CHLSN: variants seen among roughly 807,000 people sequenced by gnomAD.
The protein encoded by CHLSN is cholesin.
the CHLSN span, chr7:1,056,099 AGCAGGT>A: frequency 3.2e-5 from 5 of 154,012 alleles, no homozygotes; most frequent in Non-Finnish European, 7.2e-5. Context: ...CTGTGCTTGG[AGCAGGT>A]GCATCCTGTC....
chr7:1,136,832 G>C, the CHLSN span, among the ~76,000 whole-genome samples: 1 of 152,010 alleles, frequency 6.6e-6, no homozygotes, highest in East Asian at 1.9e-4. Context: ...GGTTCACATA[G>C]TAGCTCAAGC....
At chr7:1,096,529 C>A in the CHLSN span, among the ~76,000 whole-genome samples, 9 of 152,236 alleles carry the variant, frequency 5.9e-5, no homozygotes, top group Non-Finnish European at 1.2e-4. This position sits in a 1 kb window ranked among gnomAD's most constrained non-coding sequence, Gnocchi z 4.6. Flanking sequence ...CCTTCTCAAG[C>A]GCTTGCCTGG....
chr7:1,011,030 G>A, the CHLSN span, among the ~76,000 whole-genome samples: 1 of 151,376 alleles, frequency 6.6e-6, no homozygotes, highest in Non-Finnish European at 1.5e-5. Context: ...GAAGAGTGAG[G>A]CAAGCCCCCC....
the CHLSN span, among the ~76,000 whole-genome samples, chr7:1,038,529 T>C: frequency 1.3e-5 from 1 of 79,842 alleles, no homozygotes. Flanking sequence ...GGGAGGGAGG[T>C]GGGGGGGTCA....
the CHLSN span, among the ~76,000 whole-genome samples, chr7:1,034,858 T>C: frequency 1.3e-5 from 2 of 151,264 alleles, no homozygotes; most frequent in African/African-American, 2.4e-5. Flanking sequence ...TCATGAGTTC[T>C]CATCATTCAG....
the CHLSN span, among the ~76,000 whole-genome samples, chr7:1,016,728 GCAGCA>G: frequency 7.6e-5 from 8 of 104,974 alleles, no homozygotes; most frequent in African/African-American, 3.0e-4. Flanking sequence ...GCAGCACACA[GCAGCA>G]CACGCCAGCG....
the CHLSN span, among the ~76,000 whole-genome samples, chr7:1,049,982 C>T: frequency 1.3e-5 from 2 of 152,186 alleles, no homozygotes; most frequent in African/African-American, 2.4e-5. Flanking sequence ...AGCTGCCCCA[C>T]ACTGTCGGCC....
At chr7:1,100,792 C>G in the CHLSN span, among the ~76,000 whole-genome samples, 1 of 152,124 alleles carries the variant, frequency 6.6e-6, no homozygotes, top group African/African-American at 2.4e-5. Context: ...CAAAACAAAA[C>G]CCTTTCTGAG....
the CHLSN span, chr7:1,087,081 A>AG: frequency 6.6e-6 from 1 of 152,234 alleles, no homozygotes; most frequent in Non-Finnish European, 1.5e-5. Context: ...AATGGCCAGT[A>AG]GGGGGCGCAC....
chr7:1,138,063 C>A, the CHLSN span: 2 of 149,910 alleles, frequency 1.3e-5, no homozygotes, highest in Non-Finnish European at 3.0e-5. Flanking sequence ...GCCGCCCGGT[C>A]GCGCCGCGCC....
At chr7:1,041,330 G>GGGCTCTGCACTGCAGGGAACGGGA in the CHLSN span, among the ~76,000 whole-genome samples, 50 of 65,894 alleles carry the variant, frequency 7.6e-4, no homozygotes, top group Admixed American at 2.2e-3. Flanking sequence ...GGGGAAGGGG[G>GGGCTCTGCACTGCAGGGAACGGGA]CCTGGGGTCC....
At chr7:1,064,796 G>T in the CHLSN span, among the ~76,000 whole-genome samples, 1 of 152,192 alleles carries the variant, frequency 6.6e-6, no homozygotes, top group Non-Finnish European at 1.5e-5. Flanking sequence ...GGGTCCCACA[G>T]CAGTGAGCAG....
the CHLSN span, among the ~76,000 whole-genome samples, chr7:1,099,557 A>G: frequency 2.0e-5 from 3 of 152,226 alleles, no homozygotes; most frequent in Non-Finnish European, 4.4e-5. Context: ...ACGGTGGGAA[A>G]CTCATTACCT....
the CHLSN span, chr7:1,009,997 C>G: frequency 1.3e-6 from 2 of 1,594,354 alleles, no homozygotes; most frequent in Non-Finnish European, 1.7e-6. Context: ...GCCTGGCAGG[C>G]GGGTGCTGGG....
At chr7:1,102,754 C>G in the CHLSN span, among the ~76,000 whole-genome samples, 1 of 152,156 alleles carries the variant, frequency 6.6e-6, no homozygotes, top group African/African-American at 2.4e-5. Flanking sequence ...CCCGCCTCAC[C>G]CTTGGGAAGT....
chr7:1,032,445 C>G, the CHLSN span, among the ~76,000 whole-genome samples: 2 of 152,154 alleles, frequency 1.3e-5, no homozygotes, highest in Non-Finnish European at 2.9e-5. Flanking sequence ...TAAGAGGCCA[C>G]AGCCACCCAC....
At chr7:1,044,158 T>G in the CHLSN span, among the ~76,000 whole-genome samples, 1 of 152,224 alleles carries the variant, frequency 6.6e-6, no homozygotes, top group Non-Finnish European at 1.5e-5. Context: ...CAGGTGTACC[T>G]GGAAGGACTA....
chr7:1,055,263 G>A, the CHLSN span: 3 of 471,060 alleles, frequency 6.4e-6, no homozygotes, highest in African/African-American at 4.0e-5. Flanking sequence ...GAGGCCCTGC[G>A]GGGAACTTAC....
the CHLSN span, chr7:1,092,854 T>C: frequency 6.2e-7 from 1 of 1,611,754 alleles, no homozygotes; most frequent in Non-Finnish European, 8.5e-7. Flanking sequence ...CAGTGCCGTG[T>C]AGACAGCCTT....
Sources: allele counts gnomAD v4.1 joint callset (sites outside exome capture counted in the v4.1 genomes callset), GRCh38; gene constraint gnomAD v4.1.1; non-coding constraint Gnocchi (gnomAD v3.1); transcripts MANE v1.5; gene names NCBI Gene and HGNC (gene_info 2026-07-23, HGNC 2026-07-21).